ANKRD27: variants seen among roughly 807,000 people sequenced by gnomAD.
ANKRD27 encodes ankyrin repeat domain-containing protein 27.
In ANKRD27, 112 loss-of-function variants were observed where a neutral mutation model predicts 129.7. The ratio of observed to expected loss-of-function variants is 0.86; its 90% CI spans 0.74 to 1.01. The LOEUF is 1.01. Among genes scored for constraint, ANKRD27 ranks in the 50% least tolerant of loss-of-function variants. ANKRD27 has a pLI of 0.00. For synonymous variants in ANKRD27, 516 were observed against 511.2 expected, an observed-to-expected ratio of 1.01 and a Z score of -0.13; for missense variants, 1,258 against 1,300.5, an observed-to-expected ratio of 0.97 and a Z score of 0.50.
chr19:32,642,884 C>A (rs1048198917), intron 9 of ANKRD27, among the ~76,000 whole-genome samples: 1 of 152,180 alleles, frequency 6.6e-6, no homozygotes, highest in African/African-American at 2.4e-5. Flanking sequence ...CTGCACAAAA[C>A]CCCGTGCCCA....
At chr19:32,608,906 A>G (rs934181281) in intron 22 of ANKRD27, among the ~76,000 whole-genome samples, 1 of 152,006 alleles carries the variant, frequency 6.6e-6, no homozygotes, top group African/African-American at 2.4e-5. Flanking sequence ...GCAGTGAGCC[A>G]AGATCACACC....
intron 9 of ANKRD27, 67 bp from the exon 10 acceptor site, chr19:32,642,212 G>GA: frequency 3.7e-6 from 5 of 1,343,714 alleles, no homozygotes; most frequent in Non-Finnish European, 3.9e-6. Context: ...CTGGATCTAA[G>GA]AACACATCTC....
chr19:32,622,796 G>C (rs1972034104), intron 17 of ANKRD27, among the ~76,000 whole-genome samples, 177 bp from the exon 18 acceptor site: 1 of 149,894 alleles, frequency 6.7e-6, no homozygotes, highest in Non-Finnish European at 1.5e-5. Flanking sequence ...TTTCTTTTTT[G>C]AGACAGGATC....
intron 20 of ANKRD27, among the ~76,000 whole-genome samples, chr19:32,617,872 A>G (rs1971945564): frequency 6.6e-6 from 1 of 151,406 alleles, no homozygotes; most frequent in South Asian, 2.1e-4. Flanking sequence ...CTCCTGCCTC[A>G]GCCTCCCTAG....
At chr19:32,599,606 A>C in intron 28 of ANKRD27, 98 bp downstream of exon 28, 1 of 1,086,896 alleles carries the variant, frequency 9.2e-7, no homozygotes, top group Non-Finnish European at 1.4e-6. Flanking sequence ...GCACGGAATA[A>C]TGAAGATGAC....
At chr19:32,601,921 A>C in intron 26 of ANKRD27, 94 bp downstream of exon 26, 1 of 762,092 alleles carries the variant, frequency 1.3e-6, no homozygotes, top group Non-Finnish European at 2.2e-6. Context: ...TTATAATTAC[A>C]CTTTACATAT....
At chr19:32,647,594 T>C (rs1370949881) in intron 3 of ANKRD27, among the ~76,000 whole-genome samples, 1 of 152,184 alleles carries the variant, frequency 6.6e-6, no homozygotes, top group African/African-American at 2.4e-5. Context: ...TGTGGCGCTG[T>C]GACAGGGAGA....
intron 1 of ANKRD27, among the ~76,000 whole-genome samples, chr19:32,663,216 G>A (rs951867833): frequency 6.6e-6 from 1 of 152,158 alleles, no homozygotes; most frequent in Non-Finnish European, 1.5e-5. Context: ...GGGGGAGAGC[G>A]AGGCCTAGGT....
At chr19:32,662,309 T>C (rs1599774835) in intron 1 of ANKRD27, among the ~76,000 whole-genome samples, 2 of 30,530 alleles carry the variant, frequency 6.6e-5, no homozygotes, top group Non-Finnish European at 1.1e-4. Context: ...AGACTCAGTC[T>C]CCAAAAAAAA....
intron 22 of ANKRD27, chr19:32,608,318 C>CTT: frequency 2.6e-4 from 58 of 220,048 alleles, no homozygotes; most frequent in South Asian, 1.0e-3. Context: ...GCTAATTTCA[C>CTT]TTTTTTTTTT....
At position 32,622,429 on chromosome 19, in the gene ANKRD27, T is replaced by A. The variant is rs773798296; in HGVS notation, c.1820A>T (p.Asn607Ile). The A allele has an allele frequency of 3.1e-6, 5 of 1,613,642 alleles. No individual in the cohort carries two copies. The Admixed American group carries it at 8.3e-5, about 27-fold the overall frequency. ...AGAGATGGGAAGAGCTACCTTTGAGTTTAATGCACACTTGAGGGGCGTCTC... is the reference window on the plus strand; with the variant it reads ...AGAGATGGGAAGAGCTACCTTTGAGATTAATGCACACTTGAGGGGCGTCTC... ...LKETPLKCAL[N>I]SKILSVMEAY... The change falls in exon 18 of 29, where the codon AAC becomes ATC. Residue 607 changes from asparagine (N) to isoleucine (I), a missense_variant. Physicochemically the swap from Asn to Ile is moderately radical, Grantham distance 149. Transcript: ENST00000306065.
At chr19:32,623,273 G>T (rs901767987) in intron 17 of ANKRD27, among the ~76,000 whole-genome samples, 5 of 152,156 alleles carry the variant, frequency 3.3e-5, no homozygotes, top group Non-Finnish European at 7.4e-5. Flanking sequence ...CTGGATGTGG[G>T]GAGTGTTCCC....
At chr19:32,613,409 C>T (rs906291607) in intron 22 of ANKRD27, among the ~76,000 whole-genome samples, 2 of 152,176 alleles carry the variant, frequency 1.3e-5, no homozygotes, top group Non-Finnish European at 2.9e-5. Context: ...ATGCAATGAC[C>T]ATATGACTCC....
chr19:32,662,619 G>A (rs1193133809), intron 1 of ANKRD27, among the ~76,000 whole-genome samples: 2 of 152,116 alleles, frequency 1.3e-5, no homozygotes, highest in Non-Finnish European at 2.9e-5. Context: ...GCACATGCCT[G>A]CAGTCCCAAC....
At chr19:32,656,895 A>C (rs1310826625) in intron 2 of ANKRD27, among the ~76,000 whole-genome samples, 1 of 152,218 alleles carries the variant, frequency 6.6e-6, no homozygotes, top group Non-Finnish European at 1.5e-5. Flanking sequence ...TGTGAAATGA[A>C]GAGATGACAG....
At chr19:32,656,023 AAAAAGAAG>A (rs1385373398) in intron 2 of ANKRD27, among the ~76,000 whole-genome samples, 8 of 134,458 alleles carry the variant, frequency 5.9e-5, no homozygotes, top group Non-Finnish European at 1.6e-5. Flanking sequence ...GTTTCAAAAA[AAAAAGAAG>A]AAAAGAAAGA....
intron 9 of ANKRD27, 108 bp from the exon 10 acceptor site, chr19:32,642,253 G>A: frequency 8.7e-7 from 1 of 1,144,604 alleles, no homozygotes; most frequent in Non-Finnish European, 1.2e-6. Flanking sequence ...CAAACCAGAA[G>A]GAATGAAACA....
intron 12 of ANKRD27, chr19:32,639,037 T>G: frequency 2.2e-6 from 1 of 446,596 alleles, no homozygotes; most frequent in Non-Finnish European, 3.9e-6. Flanking sequence ...CATCACTTCT[T>G]GACTATCAAG....
At chr19:32,621,215 C>T (rs1424615897) in intron 18 of ANKRD27, among the ~76,000 whole-genome samples, 1 of 152,208 alleles carries the variant, frequency 6.6e-6, no homozygotes. Flanking sequence ...GGCGCAGTGG[C>T]TCATGCCTGT....
Sources: allele counts gnomAD v4.1 joint callset (sites outside exome capture counted in the v4.1 genomes callset), GRCh38; gene constraint gnomAD v4.1.1; transcripts MANE v1.5; gene names NCBI Gene and HGNC (gene_info 2026-07-23, HGNC 2026-07-21).